TMEM117: variants seen among roughly 807,000 people sequenced by gnomAD.
TMEM117 encodes transmembrane protein 117.
In TMEM117, 27 loss-of-function variants were observed where a neutral mutation model predicts 52.4. The ratio of observed to expected loss-of-function variants is 0.51; its 90% confidence interval spans 0.38 to 0.71. TMEM117 has a LOEUF of 0.71. Ranked by LOEUF, TMEM117 falls within the 30% of genes least tolerant of loss-of-function variation. The probability of loss-of-function intolerance (pLI) is 0.00; values close to 1 mark genes in which losing one functional copy is unlikely to be tolerated. For synonymous variants in TMEM117, 215 were observed against 206.3 expected, an observed-to-expected ratio of 1.04 and a Z score of -0.36; for missense variants, 556 against 630.5, an observed-to-expected ratio of 0.88 and a Z score of 1.26.
intron 3 of TMEM117, among the ~76,000 whole-genome samples, chr12:44,022,971 T>G: frequency 6.6e-6 from 1 of 152,160 alleles, no homozygotes; most frequent in East Asian, 1.9e-4. Flanking sequence ...ATTATCAGAC[T>G]CCAGTTCAGT....
At chr12:43,978,459 T>A (rs1945708566) in intron 3 of TMEM117, among the ~76,000 whole-genome samples, 1 of 152,120 alleles carries the variant, frequency 6.6e-6, no homozygotes, top group South Asian at 2.1e-4. Context: ...TCTCTGAATG[T>A]TAGTAAGTCC....
the TMEM117 span, among the ~76,000 whole-genome samples, chr12:43,802,695 G>C: frequency 6.6e-6 from 1 of 152,066 alleles, no homozygotes. Flanking sequence ...CACAGCCTAA[G>C]AAAGAAACAT....
chr12:44,371,460 A>T (rs145920380), intron 6 of TMEM117, among the ~76,000 whole-genome samples: 267 of 152,300 alleles, frequency 1.8e-3, no homozygotes, highest in African/African-American at 6.1e-3. Flanking sequence ...ATCTAATCTA[A>T]TCTATCTCTT....
intron 3 of TMEM117, among the ~76,000 whole-genome samples, chr12:44,097,976 T>C (rs1947800011): frequency 6.6e-6 from 1 of 151,982 alleles, no homozygotes; most frequent in South Asian, 2.1e-4. Flanking sequence ...AATAGGAATA[T>C]AGGATGACTC....
At chr12:43,904,336 T>C (rs913702932) in intron 2 of TMEM117, among the ~76,000 whole-genome samples, 1 of 152,174 alleles carries the variant, frequency 6.6e-6, no homozygotes, top group Non-Finnish European at 1.5e-5. Context: ...ATGGTACCAC[T>C]GCACTCCAGC....
chr12:43,797,932 T>G, the TMEM117 span: 3 of 1,204,056 alleles, frequency 2.5e-6, no homozygotes, highest in Middle Eastern at 2.0e-4. Context: ...CATTCAACCC[T>G]AGCCCAACCT....
At chr12:44,183,126 C>A (rs1391527954) in intron 4 of TMEM117, among the ~76,000 whole-genome samples, 1 of 151,916 alleles carries the variant, frequency 6.6e-6, no homozygotes, top group Non-Finnish European at 1.5e-5. Flanking sequence ...GCCAATAATC[C>A]TCAGCTAGGG....
chr12:44,215,534 T>C (rs994457437), intron 5 of TMEM117, among the ~76,000 whole-genome samples: 3 of 151,466 alleles, frequency 2.0e-5, no homozygotes, highest in African/African-American at 7.4e-5. Context: ...TGCTCTTCTA[T>C]TTTTCAGAGG....
At chr12:43,807,417 C>T in the TMEM117 span, among the ~76,000 whole-genome samples, 1 of 152,068 alleles carries the variant, frequency 6.6e-6, no homozygotes, top group South Asian at 2.1e-4. Context: ...TTCTCATATT[C>T]AGGAATAAAC....
chr12:44,027,200 A>ATTTTATTTTATTTAT (rs1946555702), intron 3 of TMEM117, among the ~76,000 whole-genome samples: 1 of 86,002 alleles, frequency 1.2e-5, no homozygotes, highest in African/African-American at 6.7e-5. Context: ...TTTTATTTTA[A>ATTTTATTTTATTTAT]TTAGAGATGG....
intron 5 of TMEM117, among the ~76,000 whole-genome samples, chr12:44,252,518 A>T (rs970007078): frequency 2.6e-5 from 4 of 152,062 alleles, no homozygotes; most frequent in Non-Finnish European, 5.9e-5. Flanking sequence ...ACAAACAAAC[A>T]AACAAACAAA....
At chr12:44,343,474 A>C (rs368282568) in intron 6 of TMEM117, among the ~76,000 whole-genome samples, 2 of 152,288 alleles carry the variant, frequency 1.3e-5, no homozygotes, top group African/African-American at 4.8e-5. Context: ...AAAAAGAGAA[A>C]TACTGTATGA....
At chr12:44,351,849 C>A (rs935366261) in intron 6 of TMEM117, among the ~76,000 whole-genome samples, 5 of 151,884 alleles carry the variant, frequency 3.3e-5, no homozygotes, top group African/African-American at 1.2e-4. Flanking sequence ...GACAACTCTT[C>A]CTGAGTGATT....
the TMEM117 span, among the ~76,000 whole-genome samples, chr12:43,801,283 T>C: frequency 6.6e-6 from 1 of 151,922 alleles, no homozygotes; most frequent in African/African-American, 2.4e-5. Context: ...GAAAAAAAAA[T>C]TCAAGAGTCA....
At chr12:44,070,705 A>G (rs1055944376) in intron 3 of TMEM117, among the ~76,000 whole-genome samples, 1 of 152,236 alleles carries the variant, frequency 6.6e-6, no homozygotes, top group Non-Finnish European at 1.5e-5. Flanking sequence ...AGACTAACAC[A>G]GATGTCACTA....
At chr12:44,004,281 T>C (rs1946160890) in intron 3 of TMEM117, among the ~76,000 whole-genome samples, 2 of 152,172 alleles carry the variant, frequency 1.3e-5, no homozygotes, top group South Asian at 4.1e-4. Flanking sequence ...TGCTGACTTG[T>C]TTCTGGGGAC....
At chr12:44,391,922 G>T (rs1424582321), downstream of TMEM117, among the ~76,000 whole-genome samples, 1 of 152,038 alleles carries the variant, frequency 6.6e-6, no homozygotes, top group Non-Finnish European at 1.5e-5. Flanking sequence ...TGATTTCTTC[G>T]AGCTTTGTCC....
rs187689248 is a variant in TMEM117, at chr12:43,962,781, A to G, written c.410+18439A>G. On this transcript the variant is annotated intron_variant, in intron 3 of 7. Transcript: ENST00000266534. ...TAAAAATACGAAAACAAAAAAAATT[A>G]GCCAGGCATGGCGGCGGGCGCCTGT... Among the ~76,000 whole-genome samples the G allele has an allele frequency of 1.1e-4, 17 of 152,228 alleles. 1 individual carries two copies. Among genetic ancestry groups the G allele is most frequent in the Non-Finnish European group, 1.5e-5 (1 of 68,024 alleles).
chr12:43,970,169 G>A (rs1458299191), intron 3 of TMEM117, among the ~76,000 whole-genome samples: 1 of 152,136 alleles, frequency 6.6e-6, no homozygotes, highest in Non-Finnish European at 1.5e-5. Context: ...CAGATTGACT[G>A]TCAATGTACA....
Sources: gnomAD v4.1 joint callset for allele counts (sites outside exome capture counted in the v4.1 genomes callset) on GRCh38, gnomAD v4.1.1 for gene constraint, MANE v1.5 for transcripts, NCBI Gene and HGNC (gene_info 2026-07-23, HGNC 2026-07-21) for gene names.